DPH6: variants seen among roughly 807,000 people sequenced by gnomAD.
DPH6 encodes the protein diphthamine biosynthesis 6, also known as diphthine--ammonia ligase.
DPH6 carries 33 observed loss-of-function variants against 38.2 expected under a neutral mutation model. The observed-to-expected ratio is 0.86, with a 90% CI of 0.65 to 1.15. DPH6 has a LOEUF of 1.15. Among genes scored for constraint, DPH6 ranks in the 50% most tolerant of loss-of-function variants. The pLI is 0.00. For missense variants in DPH6, 325 were observed against 320.0 expected (o/e 1.02, Z -0.12); for synonymous variants, 108 against 103.0 (o/e 1.05, Z -0.30).
the DPH6 span, among the ~76,000 whole-genome samples, chr15:35,209,489 T>A: frequency 6.6e-6 from 1 of 152,172 alleles, no homozygotes; most frequent in African/African-American, 2.4e-5. Context: ...AGTTACTATT[T>A]TAGAAGAATG....
At chr15:35,177,142 A>G in the DPH6 span, among the ~76,000 whole-genome samples, 1 of 152,226 alleles carries the variant, frequency 6.6e-6, no homozygotes, top group Non-Finnish European at 1.5e-5. Context: ...TATCCCTTGC[A>G]TTCTGGTAAT....
chr15:35,238,180 C>T (rs2051569538), intron 3 of DPH6: 1 of 416,240 alleles, frequency 2.4e-6, no homozygotes, highest in Non-Finnish European at 4.0e-6. Flanking sequence ...TGTAACGTTG[C>T]TGTGGGAACG....
At chr15:35,514,655 A>T (rs975636663) in intron 3 of DPH6, among the ~76,000 whole-genome samples, 1 of 152,224 alleles carries the variant, frequency 6.6e-6, no homozygotes, top group African/African-American at 2.4e-5. Context: ...CACTAAAAAA[A>T]CTATGTTTAT....
At chr15:35,529,349 A>G (rs2141252744) in intron 3 of DPH6, among the ~76,000 whole-genome samples, 1 of 152,210 alleles carries the variant, frequency 6.6e-6, no homozygotes, top group African/African-American at 2.4e-5. Context: ...AACACTTTCA[A>G]ACAACAAGAT....
At chr15:35,357,051 C>T (rs1231081530) in intron 3 of DPH6, among the ~76,000 whole-genome samples, 1 of 152,172 alleles carries the variant, frequency 6.6e-6, no homozygotes, top group African/African-American at 2.4e-5. Flanking sequence ...TAGCAATGAG[C>T]GAGGCTCCGT....
chr15:35,155,006 G>T, the DPH6 span, among the ~76,000 whole-genome samples: 5 of 152,156 alleles, frequency 3.3e-5, no homozygotes, highest in East Asian at 1.9e-4. Context: ...TTTGGAAAAT[G>T]TAACGTTTTA....
At chr15:35,423,067 G>A (rs59083550) in intron 5 of DPH6, among the ~76,000 whole-genome samples, 51,082 of 151,552 alleles carry the variant, frequency 0.34, 10,174 homozygotes, top group African/African-American at 0.56. Flanking sequence ...TTTCCTTTGG[G>A]TATATACTCA....
chr15:35,353,425 A>C (rs2052532796), intron 3 of DPH6, among the ~76,000 whole-genome samples: 1 of 152,208 alleles, frequency 6.6e-6, no homozygotes, highest in Non-Finnish European at 1.5e-5. Flanking sequence ...CTAACATGTA[A>C]GTCTTTAATC....
At chr15:35,298,969 A>C in intron 3 of DPH6, 1 of 768,284 alleles carries the variant, frequency 1.3e-6, no homozygotes, top group Non-Finnish European at 2.4e-6. Flanking sequence ...TCTCGCTCCT[A>C]ATCTTCATCT....
intron 3 of DPH6, among the ~76,000 whole-genome samples, chr15:35,271,211 G>GGAAAAGAAGGGTT (rs1338922668): frequency 1.3e-5 from 2 of 151,974 alleles, no homozygotes; most frequent in Non-Finnish European, 1.5e-5. Flanking sequence ...AGTTCCCATA[G>GGAAAAGAAGGGTT]GAAAAGAAGG....
At chr15:35,476,345 T>C (rs1454454353) in intron 3 of DPH6, among the ~76,000 whole-genome samples, 1 of 151,732 alleles carries the variant, frequency 6.6e-6, no homozygotes, top group Non-Finnish European at 1.5e-5. Context: ...GTTAGGATAA[T>C]GGAAAAACAG....
intron 3 of DPH6, among the ~76,000 whole-genome samples, chr15:35,284,659 C>A (rs1050366342): frequency 6.6e-6 from 1 of 150,680 alleles, no homozygotes; most frequent in South Asian, 2.1e-4. Context: ...AGAAATACTT[C>A]CTTTCCCTAC....
intron 6 of DPH6, among the ~76,000 whole-genome samples, chr15:35,390,513 C>T (rs986815398): frequency 2.0e-5 from 3 of 152,146 alleles, no homozygotes; most frequent in Admixed American, 2.0e-4. Context: ...TCACATAGTC[C>T]CATATTTCTT....
At chr15:35,212,219 C>A in the DPH6 span, among the ~76,000 whole-genome samples, 1 of 151,964 alleles carries the variant, frequency 6.6e-6, no homozygotes, top group Admixed American at 6.6e-5. Flanking sequence ...AAACTGTGGA[C>A]CACTTTTTTT....
intron 7 of DPH6, among the ~76,000 whole-genome samples, chr15:35,376,125 A>G (rs1044987742): frequency 3.9e-5 from 6 of 152,166 alleles, no homozygotes; most frequent in East Asian, 1.9e-4. Context: ...CCACTACATT[A>G]TAATTATGTG....
intron 6 of DPH6, among the ~76,000 whole-genome samples, chr15:35,393,464 G>T (rs2053086853): frequency 6.6e-6 from 1 of 152,154 alleles, no homozygotes; most frequent in African/African-American, 2.4e-5. Flanking sequence ...AACAGGAAAT[G>T]GTTTTTTTGT....
chr15:35,546,075 G>C lies in DPH6; in HGVS notation c.23+44C>G, dbSNP rs560063391. 48 of 1,349,398 alleles carry C rather than the reference G, an allele frequency of 3.6e-5. No homozygotes were observed. In the African/African-American group the frequency reaches 3.8e-4, roughly 11 times the overall value. 83.6% of individuals were successfully genotyped at this position (1,349,398 alleles called of 1,614,324 possible). ...CGCTAGCGGCGGCTGGAAGGGACGA[G>C]AGCCTGGCCTAGGAGGAAGGAGGCG... On this transcript the variant is annotated intron_variant, in intron 1 of 8. Coordinates refer to ENST00000256538, the MANE Select transcript of DPH6 (RefSeq NM_080650.4).
chr15:35,162,187 C>T, the DPH6 span, among the ~76,000 whole-genome samples: 2 of 151,908 alleles, frequency 1.3e-5, no homozygotes, highest in South Asian at 4.1e-4. Context: ...TGCTTCCAGT[C>T]TTTCACATGC....
At chr15:35,520,518 G>A in intron 3 of DPH6, 2 of 984,368 alleles carry the variant, frequency 2.0e-6, no homozygotes, top group Non-Finnish European at 2.4e-6. Context: ...ATCCAATTAA[G>A]TACAGTGTCA....
Sources: gnomAD v4.1 joint callset for allele counts (sites outside exome capture counted in the v4.1 genomes callset) on GRCh38, gnomAD v4.1.1 for gene constraint, MANE v1.5 for transcripts, NCBI Gene and HGNC (gene_info 2026-07-23, HGNC 2026-07-21) for gene names.